JAKMIP1: variants seen among roughly 807,000 people sequenced by gnomAD.
JAKMIP1 encodes janus kinase and microtubule interacting protein 1, also known as janus kinase and microtubule-interacting protein 1.
In JAKMIP1, 33 loss-of-function variants were observed where a neutral mutation model predicts 113.0. The observed-to-expected ratio is 0.29, with a 90% CI of 0.22 to 0.39. The LOEUF is 0.39. JAKMIP1 is among the 10% of genes least tolerant of loss of function. The pLI, the probability that JAKMIP1 is intolerant of heterozygous loss-of-function variation, is 1.00. For missense variants in JAKMIP1, 813 were observed against 1,080.5 expected (o/e 0.75, Z 3.47); for synonymous variants, 480 against 459.9 (o/e 1.04, Z -0.56).
intron 1 of JAKMIP1, among the ~76,000 whole-genome samples, chr4:6,165,478 T>G (rs1390886209): frequency 6.6e-6 from 1 of 152,202 alleles, no homozygotes; most frequent in Non-Finnish European, 1.5e-5. Flanking sequence ...CTAATTTTTG[T>G]ATTTTTAGTA....
At position 6,091,455 on chromosome 4, in the gene JAKMIP1, C is replaced by T. The variant is rs192845310; in HGVS notation, c.625-5826G>A. ...CTATTACAGAAACTATAAGCTGCTA[C>T]ATGCTTTAGCTCACTTGCTTGTTTA... On this transcript the variant is annotated intron_variant, in intron 3 of 20. Transcript: ENST00000409021. Among the ~76,000 whole-genome samples the T allele has an allele frequency of 9.8e-5, 15 of 152,366 alleles. No homozygotes were observed. The East Asian group carries it at 2.5e-3, about 25-fold the overall frequency.
chr4:6,094,227 C>T lies in JAKMIP1; in HGVS notation c.625-8598G>A. Among the ~76,000 whole-genome samples, 1 of 152,168 alleles carries T rather than the reference C, an allele frequency of 6.6e-6. No homozygotes were observed. The highest frequency in any genetic ancestry group is 1.9e-4 in the East Asian group (1 of 5,202). On this transcript the variant is annotated intron_variant, in intron 3 of 20. Coordinates refer to ENST00000409021, the MANE Select transcript of JAKMIP1 (RefSeq NM_001099433.2). This position sits in a 1 kb window ranked among gnomAD's most constrained non-coding sequence, Gnocchi z 4.2. ...AAAATCTCAAACAATCTGTGCTAGC[C>T]CTGGGTCTAGCTCACAGCAGGTGCT...
rs927660469 is a variant in JAKMIP1, at chr4:6,139,594, C to T, written c.-147-26597G>A. Among the ~76,000 whole-genome samples the T allele has an allele frequency of 2.0e-5, 3 of 151,934 alleles. No homozygotes were observed. The highest frequency in any genetic ancestry group is 7.3e-5 in the African/African-American group (3 of 41,292). ...CAACCTGGCCAACATAGTGAAACCC[C>T]ATCTCTACTAAAAATACAAAAATTA... is the stretch of plus-strand genomic sequence containing the variant. On this transcript the variant is annotated intron_variant, in intron 1 of 20. Transcript: ENST00000409021. The surrounding 1 kb of genome is among the most constrained non-coding windows in gnomAD (Gnocchi z 5.2).
chr4:6,027,039 C>T (rs537298743), intron 20 of JAKMIP1, among the ~76,000 whole-genome samples: 1 of 151,332 alleles, frequency 6.6e-6, no homozygotes, highest in East Asian at 2.0e-4. Context: ...TATTTAAAAT[C>T]TTTTGTGCCA....
chr4:6,119,574 A>AC (rs1434222870), intron 1 of JAKMIP1, among the ~76,000 whole-genome samples: 5 of 150,082 alleles, frequency 3.3e-5, no homozygotes, highest in Non-Finnish European at 5.9e-5. Flanking sequence ...CAACAACAAA[A>AC]AAAAACCACT....
In JAKMIP1 at chr4:6,089,411, G is replaced by A. The variant is rs1406381464; in HGVS notation, c.625-3782C>T. 2.6e-5 allele frequency among the ~76,000 whole-genome samples: 4 copies of A among 152,198 alleles called. No homozygotes were observed. Among genetic ancestry groups the A allele is most frequent in the South Asian group, 2.1e-4 (1 of 4,820 alleles). On this transcript the variant is annotated intron_variant, in intron 3 of 20. Transcript: ENST00000409021. The surrounding 1 kb of genome is among the most constrained non-coding windows in gnomAD (Gnocchi z 5.3). ...CTATCACTCCTCTCTTAATGCTAGC[G>A]TGAGCTAGGTACTCATTTGTACTTA...
In JAKMIP1 at chr4:6,086,788, A is replaced by G. The variant is rs570199532; in HGVS notation, c.625-1159T>C. 2.4e-4 allele frequency among the ~76,000 whole-genome samples: 37 copies of G among 152,108 alleles called. 1 individual carries two copies. The South Asian group carries it at 7.7e-3, about 32-fold the overall frequency. Reference sequence around the variant, plus strand: ...TCATCCTGGAGCAGGGTGGGCCCTTATGACTGGTGTCCTTATGAGAGGAGA... The same window carrying G: ...TCATCCTGGAGCAGGGTGGGCCCTTGTGACTGGTGTCCTTATGAGAGGAGA... On this transcript the variant is annotated intron_variant, in intron 3 of 20. Transcript: ENST00000409021. The surrounding 1 kb of genome is among the most constrained non-coding windows in gnomAD (Gnocchi z 4.1).
chr4:6,139,681 G>A lies in JAKMIP1; in HGVS notation c.-147-26684C>T, dbSNP rs766339858. 9.9e-5 allele frequency among the ~76,000 whole-genome samples: 15 copies of A among 152,066 alleles called. No individual in the cohort carries two copies. The highest frequency in any genetic ancestry group is 2.1e-4 in the South Asian group (1 of 4,826). ...CTTGGGAGGCTGAGGCAGGAGAATC[G>A]CCTGAACCCAGGAGGCGGAGGTTGC... On this transcript the variant is annotated intron_variant, in intron 1 of 20. Transcript: ENST00000409021. The surrounding 1 kb of genome is among the most constrained non-coding windows in gnomAD (Gnocchi z 5.2).
In JAKMIP1 at chr4:6,064,841, T is replaced by C. The variant is rs78504954; in HGVS notation, c.1431+39A>G. 18,387 of 1,612,370 alleles carry C rather than the reference T, an allele frequency of 0.011. 684 individuals are homozygous for C. The African/African-American group carries it at 0.13, about 11-fold the overall frequency. ...AGCAGGAGGTGCCGCCCCGAGAGCA[T>C]CTGGGGTGAGGTCCCGCCCTCTCTG... On this transcript the variant is annotated intron_variant, in intron 9 of 20. Transcript: ENST00000409021. The surrounding 1 kb of genome is among the most constrained non-coding windows in gnomAD (Gnocchi z 4.3).
chr4:6,192,709 G>C lies in JAKMIP1; in HGVS notation c.-148+7544C>G, dbSNP rs886848800. On this transcript the variant is annotated intron_variant, in intron 1 of 20. Transcript: ENST00000409021. The surrounding 1 kb of genome is among the most constrained non-coding windows in gnomAD (Gnocchi z 5.0). Reference sequence around the variant, plus strand: ...CTGACAGAGGAGGAGAAACCCCACAGGCAGGGTTCCTGCCCTCATAGTGCT... The same window carrying C: ...CTGACAGAGGAGGAGAAACCCCACACGCAGGGTTCCTGCCCTCATAGTGCT... Among the ~76,000 whole-genome samples the C allele has an allele frequency of 6.6e-6, 1 of 152,188 alleles. No homozygotes were observed. The highest frequency in any genetic ancestry group is 2.4e-5 in the African/African-American group (1 of 41,444).
At chr4:6,159,966 G>A (rs1996177) in intron 1 of JAKMIP1, among the ~76,000 whole-genome samples, 7,433 of 152,032 alleles carry the variant, frequency 0.049, 418 homozygotes, top group African/African-American at 0.13. Context: ...ATGGAGAAAA[G>A]CCCACATCAG....
chr4:6,110,471 G>C (rs1487545354), intron 2 of JAKMIP1, among the ~76,000 whole-genome samples: 1 of 151,120 alleles, frequency 6.6e-6, no homozygotes, highest in Non-Finnish European at 1.5e-5. Flanking sequence ...AACACACCTG[G>C]GCAAGTCCCC....
chr4:6,112,812 C>A lies in JAKMIP1; in HGVS notation c.39G>T (p.Glu13Asp). ...CCATCTGCACCGCGTCCGTCTCCAT[C>A]TCGGGCTTCTCGCCCTTGCTCCGGC... ...KKGRSKGEKP[E>D]METDAVQMAN... Residue 13 changes from glutamate to aspartate, a missense_variant, in exon 2 of 21, where the codon GAG becomes GAT. By Grantham distance (45) the Glu-to-Asp change is conservative. Transcript: ENST00000409021. The A allele has an allele frequency of 6.2e-7, 1 of 1,614,104 alleles. No homozygotes were observed. The highest frequency in any genetic ancestry group is 8.5e-7 in the Non-Finnish European group (1 of 1,180,038).
At chr4:6,082,484 TC>T (rs1189697653) in intron 5 of JAKMIP1, among the ~76,000 whole-genome samples, 2 of 151,746 alleles carry the variant, frequency 1.3e-5, no homozygotes, top group African/African-American at 4.8e-5. Flanking sequence ...TTTTTTTTTT[TC>T]GAGACAGAAG....
chr4:6,189,344 A>G (rs960653747), intron 1 of JAKMIP1, among the ~76,000 whole-genome samples: 1 of 152,230 alleles, frequency 6.6e-6, no homozygotes, highest in Non-Finnish European at 1.5e-5. Context: ...GACTGATACA[A>G]CAATCAGGGG....
At chr4:6,105,142 C>T (rs1182924694) in intron 3 of JAKMIP1, among the ~76,000 whole-genome samples, 1 of 152,232 alleles carries the variant, frequency 6.6e-6, no homozygotes, top group African/African-American at 2.4e-5. Context: ...TGACCTGTGG[C>T]ATCTTACCTG....
chr4:6,174,560 A>ACAGGCCTGGG (rs1160553177), intron 1 of JAKMIP1, among the ~76,000 whole-genome samples: 1 of 152,176 alleles, frequency 6.6e-6, no homozygotes, highest in Non-Finnish European at 1.5e-5. Flanking sequence ...GTGCAGAAGA[A>ACAGGCCTGGG]CAGGCCTGGG....
At position 6,184,996 on chromosome 4, in the gene JAKMIP1, C is replaced by T. The variant is rs1294561782; in HGVS notation, c.-148+15257G>A. ...TCCCGTGCTGGATGCTTCCTCCCCT[C>T]GAACATCAGACTCCAAGTTCTTCAG... is the stretch of plus-strand genomic sequence containing the variant. On this transcript the variant is annotated intron_variant, in intron 1 of 20. Transcript: ENST00000409021. This position sits in a 1 kb window ranked among gnomAD's most constrained non-coding sequence, Gnocchi z 4.5. Among the ~76,000 whole-genome samples the T allele has an allele frequency of 2.0e-5, 3 of 152,220 alleles. No homozygotes were observed. Among genetic ancestry groups the T allele is most frequent in the South Asian group, 2.1e-4 (1 of 4,826 alleles).
At position 6,044,114 on chromosome 4, in the gene JAKMIP1, C is replaced by A. The variant is rs1313953379; in HGVS notation, c.2029-1887G>T. ...TCCAGGAAGCCTACCCTGCTTGAGT[C>A]CGTGGGGTCAGCTAACCTCCATGGT... is the stretch of plus-strand genomic sequence containing the variant. On this transcript the variant is annotated intron_variant, in intron 16 of 20. Coordinates refer to ENST00000409021, the MANE Select transcript of JAKMIP1 (RefSeq NM_001099433.2). This position sits in a 1 kb window ranked among gnomAD's most constrained non-coding sequence, Gnocchi z 4.4. Among the ~76,000 whole-genome samples the A allele has an allele frequency of 1.3e-5, 2 of 152,004 alleles. No individual in the cohort carries two copies. The highest frequency in any genetic ancestry group is 1.5e-5 in the Non-Finnish European group (1 of 67,996).
Sources: gnomAD v4.1 joint callset for allele counts (sites outside exome capture counted in the v4.1 genomes callset) on GRCh38, gnomAD v4.1.1 for gene constraint, Gnocchi (gnomAD v3.1) non-coding constraint, MANE v1.5 for transcripts, NCBI Gene and HGNC (gene_info 2026-07-23, HGNC 2026-07-21) for gene names.